RP1: variants seen among roughly 807,000 people sequenced by gnomAD.
RP1 encodes oxygen-regulated protein 1.
RP1 carries 16 observed loss-of-function variants against 14.8 expected under a neutral mutation model. The observed-to-expected ratio is 1.08, with a 90% CI of 0.73 to 1.65. The LOEUF (loss-of-function observed/expected upper bound fraction) is 1.65. Ranked by LOEUF, RP1 falls within the 40% of genes most tolerant of loss-of-function variation. The probability of loss-of-function intolerance (pLI) is 0.00; values close to 1 mark genes in which losing one functional copy is unlikely to be tolerated. For synonymous variants in RP1, 876 were observed against 883.6 expected (o/e 0.99, Z 0.15); for missense variants, 2,631 against 2,535.0 (o/e 1.04, Z -0.81).
intron 12 of RP1, among the ~76,000 whole-genome samples, chr8:54,690,561 G>T (rs1807687139): frequency 6.6e-6 from 1 of 151,996 alleles, no homozygotes; most frequent in Admixed American, 6.6e-5. Context: ...AATAGAGAAA[G>T]AAACCTTGGG....
intron 12 of RP1, among the ~76,000 whole-genome samples, chr8:54,695,632 A>C (rs2129341355): frequency 6.6e-6 from 1 of 152,284 alleles, no homozygotes; most frequent in East Asian, 1.9e-4. Context: ...TTTCATTGTG[A>C]ACTCATTAGT....
intron 26 of RP1, among the ~76,000 whole-genome samples, chr8:54,852,980 G>A (rs142640013): frequency 9.2e-4 from 140 of 152,330 alleles, no homozygotes; most frequent in Non-Finnish European, 1.4e-3. Flanking sequence ...ACATCCTGCT[G>A]AGAACAACTA....
chr8:54,628,224 C>G lies in RP1; in HGVS notation c.4342C>G (p.Pro1448Ala). ...GGAAGAACCACGGACTTCTGAAGAACCAGGCTCAATAACCAACAGCATGAC... is the reference window on the plus strand; with the variant it reads ...GGAAGAACCACGGACTTCTGAAGAAGCAGGCTCAATAACCAACAGCATGAC... ...DMEEPRTSEE[P>A]GSITNSMTSS... is the part of the protein sequence containing the mutation. The change falls in exon 4 of 4, where the codon CCA (proline) becomes GCA (alanine). Residue 1448 changes from proline (P) to alanine (A), a missense_variant. Coordinates refer to ENST00000220676, the MANE Select transcript of RP1 (RefSeq NM_006269.2). 1 of 1,613,956 alleles carries G rather than the reference C, an allele frequency of 6.2e-7. No homozygotes were observed. Among genetic ancestry groups the G allele is most frequent in the Non-Finnish European group, 8.5e-7 (1 of 1,179,920 alleles).
chr8:54,738,654 T>A (rs1379143374), intron 18 of RP1, among the ~76,000 whole-genome samples: 1 of 152,088 alleles, frequency 6.6e-6, no homozygotes, highest in East Asian at 1.9e-4. Context: ...GTGAGAAATG[T>A]GTGGTAGTCA....
chr8:54,711,578 C>T (rs1808294368), intron 15 of RP1, among the ~76,000 whole-genome samples: 1 of 152,168 alleles, frequency 6.6e-6, no homozygotes, highest in African/African-American at 2.4e-5. Context: ...AGCGAGCGCT[C>T]TTAGGTTTGT....
chr8:54,722,119 T>C (rs893027041), intron 16 of RP1, among the ~76,000 whole-genome samples: 3 of 151,302 alleles, frequency 2.0e-5, no homozygotes, highest in African/African-American at 4.9e-5. Flanking sequence ...GGTGCACGCC[T>C]GTAATCCCAG....
At chr8:54,698,886 CG>C (rs1247275165) in intron 12 of RP1, among the ~76,000 whole-genome samples, 2 of 151,208 alleles carry the variant, frequency 1.3e-5, no homozygotes, top group Admixed American at 1.3e-4. Context: ...CAAGGCCTAT[CG>C]GGGGTTGGGG....
intron 1 of RP1, among the ~76,000 whole-genome samples, chr8:54,604,867 G>T (rs570715764): frequency 6.6e-6 from 1 of 152,148 alleles, no homozygotes; most frequent in African/African-American, 2.4e-5. Context: ...TTGTATTTCT[G>T]TGGGATCGGC....
intron 6 of RP1, among the ~76,000 whole-genome samples, chr8:54,660,980 T>A (rs751426585): frequency 1.3e-4 from 20 of 151,660 alleles, no homozygotes; most frequent in Non-Finnish European, 2.5e-4. Flanking sequence ...GCATAGTTAT[T>A]TGGTTTTTAA....
Position 54,627,103 on chromosome 8 carries a change from T to G in RP1, c.3221T>G (p.Ile1074Arg), listed in dbSNP as rs1461580036. The change falls in exon 4 of 4, where the codon ATA (isoleucine) becomes AGA (arginine). Residue 1074 changes from isoleucine to arginine, a missense_variant. Ile to Arg is a moderately conservative substitution (Grantham distance 97, BLOSUM62 -3). Transcript: ENST00000220676. ...GAGGCTGCCATTCAAGTAGATCCTA[T>G]AGAAGAGGAAACTCCAAAAGACCTC... ...SVEAAIQVDPIEEETPKDLLP... is the reference protein window; with the variant it reads ...SVEAAIQVDPREEETPKDLLP... 2 of 1,614,084 alleles carry G rather than the reference T, an allele frequency of 1.2e-6. No individual in the cohort carries two copies. Among genetic ancestry groups the G allele is most frequent in the Non-Finnish European group, 1.7e-6 (2 of 1,179,974 alleles).
chr8:54,832,376 G>A (rs1478476419), intron 24 of RP1, among the ~76,000 whole-genome samples: 1 of 151,484 alleles, frequency 6.6e-6, no homozygotes, highest in Non-Finnish European at 1.5e-5. Flanking sequence ...CTGTCTTCAA[G>A]TTTACTGACT....
chr8:54,856,189 G>C (rs984697874), intron 26 of RP1, among the ~76,000 whole-genome samples: 2 of 152,154 alleles, frequency 1.3e-5, no homozygotes, highest in African/African-American at 4.8e-5. Flanking sequence ...CACAAGCCAG[G>C]TGGAGCAAGA....
intron 18 of RP1, chr8:54,738,886 T>C: frequency 8.5e-7 from 1 of 1,169,874 alleles, no homozygotes; most frequent in Middle Eastern, 2.0e-4. Context: ...AAGAATTTTT[T>C]AATGTGCTTA....
rs548384228 is a variant in RP1 at position 54,852,907 on chromosome 8, AC to A, written c.3990+180del. Among the ~76,000 whole-genome samples the A allele has an allele frequency of 9.2e-5, 14 of 152,326 alleles. No individual in the cohort carries two copies. In the East Asian group the frequency reaches 2.7e-3, roughly 29 times the overall value. On this transcript the variant is annotated intron_variant, in intron 26 of 28. Transcript: ENST00000637698. ...GTTCTGGAGTTGAGTAGAGGATGGG[AC>A]TTAACTCAACAAACACAATATTCTA... is the stretch of plus-strand genomic sequence containing the variant.
chr8:54,865,320 C>T (rs933119172), intron 27 of RP1, among the ~76,000 whole-genome samples: 2 of 151,420 alleles, frequency 1.3e-5, no homozygotes, highest in Admixed American at 6.6e-5. Flanking sequence ...ATCAGTTTTC[C>T]TTTTCCTTTC....
At chr8:54,650,523 C>T (rs1806634931) in intron 4 of RP1, among the ~76,000 whole-genome samples, 1 of 152,126 alleles carries the variant, frequency 6.6e-6, no homozygotes, top group South Asian at 2.1e-4. Flanking sequence ...TCAACAATCA[C>T]TATCTACTTT....
At chr8:54,637,717 TTTCA>T (rs1806379192) in intron 3 of RP1, among the ~76,000 whole-genome samples, 1 of 152,194 alleles carries the variant, frequency 6.6e-6, no homozygotes, top group African/African-American at 2.4e-5. Context: ...ATTACAGGGC[TTTCA>T]TTAATAACCA....
At chr8:54,800,568 C>A (rs1179869073) in intron 24 of RP1, among the ~76,000 whole-genome samples, 3 of 152,044 alleles carry the variant, frequency 2.0e-5, no homozygotes, top group African/African-American at 7.2e-5. Context: ...TTAACAAAAT[C>A]TTTGTGTTTC....
downstream of RP1, among the ~76,000 whole-genome samples, chr8:54,771,288 G>T (rs1377298601): frequency 6.6e-6 from 1 of 151,960 alleles, no homozygotes; most frequent in Non-Finnish European, 1.5e-5. Context: ...CAAGTAATAA[G>T]GCTTGAAATG....
Sources: gnomAD v4.1 joint callset for allele counts (sites outside exome capture counted in the v4.1 genomes callset) on GRCh38, gnomAD v4.1.1 for gene constraint, MANE v1.5 for transcripts, NCBI Gene and HGNC (gene_info 2026-07-23, HGNC 2026-07-21) for gene names.